The following NSD1 variants were observed in gnomAD, a reference collection of about 807,000 sequenced individuals.
NSD1 encodes histone-lysine N-methyltransferase, H3 lysine-36 specific.
NSD1 carries 26 observed loss-of-function variants against 242.7 expected under a neutral mutation model. The ratio of observed to expected loss-of-function variants is 0.11; its 90% confidence interval spans 0.08 to 0.15. The LOEUF is 0.15. Among genes scored for constraint, NSD1 ranks in the 10% least tolerant of loss-of-function variants. NSD1 has a pLI of 1.00. For missense variants in NSD1, 2,495 were observed against 3,272.8 expected, an observed-to-expected ratio of 0.76 and a Z score of 5.80; for synonymous variants, 1,106 against 1,178.1, an observed-to-expected ratio of 0.94 and a Z score of 1.25.
rs1003051671 is a variant in NSD1, at chr5:177,257,118, G to C, written c.4933G>C (p.Ala1645Pro). 6.2e-7 allele frequency: 1 copy of C among 1,613,828 alleles called. No homozygotes were observed. The highest frequency in any genetic ancestry group is 8.5e-7 in the Non-Finnish European group (1 of 1,179,994). ...CSLHICITCH[A>P]ANPANVSASK... ...CCTCCACATCTGTATAACCTGTCAT[G>C]CTGCTAATCCAGCCAATGTTTCTGC... Residue 1645 changes from alanine to proline, a missense_variant, in exon 13 of 23, where the codon GCT becomes CCT. Physicochemically the swap from Ala to Pro is conservative, Grantham distance 27. Coordinates refer to ENST00000439151, the MANE Select transcript of NSD1 (RefSeq NM_022455.5).
intron 21 of NSD1, 59 bp from the exon 22 acceptor site, chr5:177,291,895 G>T: frequency 1.3e-6 from 2 of 1,495,024 alleles, no homozygotes; most frequent in Non-Finnish European, 9.3e-7. Context: ...TAGTTAACCC[G>T]GTTAAGATTG....
intron 2 of NSD1, among the ~76,000 whole-genome samples, chr5:177,140,206 C>T (rs2149762523): frequency 6.6e-6 from 1 of 152,226 alleles, no homozygotes; most frequent in East Asian, 1.9e-4. Context: ...TTTAATTGGG[C>T]TGATATTTTC....
intron 5 of NSD1, among the ~76,000 whole-genome samples, chr5:177,219,110 G>C (rs555331860): frequency 2.6e-5 from 4 of 151,908 alleles, no homozygotes; most frequent in South Asian, 2.1e-4. Flanking sequence ...TTGTTGAGTT[G>C]AAAACTTTGT....
intron 5 of NSD1, among the ~76,000 whole-genome samples, chr5:177,213,676 TAGCC>T (rs1763540228): frequency 6.6e-6 from 1 of 152,116 alleles, no homozygotes; most frequent in Non-Finnish European, 1.5e-5. Context: ...TTCACTGTGT[TAGCC>T]AGGATGGTCT....
intron 16 of NSD1, among the ~76,000 whole-genome samples, chr5:177,270,605 A>G (rs1216366789): frequency 1.3e-5 from 2 of 152,246 alleles, no homozygotes; most frequent in Admixed American, 6.5e-5. Context: ...ATGCACTTCC[A>G]TTATGTTCCT....
Position 177,205,723 on chromosome 5 carries a change from T to C in NSD1, c.1236+1431T>C, listed in dbSNP as rs1171554009. ...TCACTGTCACCACCATTCTACTGTT[T>C]GTCTCTATGATTTAATATTCTCTTA... On this transcript the variant is annotated intron_variant, in intron 4 of 22. Coordinates refer to ENST00000439151, the MANE Select transcript of NSD1 (RefSeq NM_022455.5). Among the ~76,000 whole-genome samples, 2 of 152,016 alleles carry C rather than the reference T, an allele frequency of 1.3e-5. 1 individual carries two copies. The highest frequency in any genetic ancestry group is 2.9e-5 in the Non-Finnish European group (2 of 68,008).
At chr5:177,240,437 G>A (rs768734477) in intron 8 of NSD1, among the ~76,000 whole-genome samples, 3 of 152,094 alleles carry the variant, frequency 2.0e-5, no homozygotes, top group Non-Finnish European at 4.4e-5. Flanking sequence ...ATGGTGGCCG[G>A]GCGCAGTGGC....
At chr5:177,154,637 C>G (rs1757973762) in intron 2 of NSD1, among the ~76,000 whole-genome samples, 1 of 152,066 alleles carries the variant, frequency 6.6e-6, no homozygotes, top group South Asian at 2.1e-4. Flanking sequence ...TCCTTTTTCA[C>G]ATAATGGTGT....
At chr5:177,132,324 G>C (rs1755936146), upstream of NSD1, among the ~76,000 whole-genome samples, 1 of 151,470 alleles carries the variant, frequency 6.6e-6, no homozygotes, top group Non-Finnish European at 1.5e-5. The surrounding 1 kb of genome is among the most constrained non-coding windows in gnomAD (Gnocchi z 7.5). Context: ...TGGGTGCCGA[G>C]AACTGCAGCG....
At chr5:177,273,878 T>A in intron 17 of NSD1, 94 bp downstream of exon 17, 1 of 844,758 alleles carries the variant, frequency 1.2e-6, no homozygotes, top group Non-Finnish European at 2.0e-6. Flanking sequence ...AGCACAAGCA[T>A]AGTTCGTTTT....
chr5:177,273,548 T>C, intron 16 of NSD1, 124 bp from the exon 17 acceptor site: 1 of 749,380 alleles, frequency 1.3e-6, no homozygotes, highest in Non-Finnish European at 2.4e-6. Flanking sequence ...CATATAGCAT[T>C]GGTCGATTTT....
At chr5:177,258,541 GT>G (rs571615982) in intron 13 of NSD1, among the ~76,000 whole-genome samples, 16 of 143,800 alleles carry the variant, frequency 1.1e-4, no homozygotes, top group African/African-American at 1.8e-4. Flanking sequence ...GTTTGTTGTT[GT>G]TTTTTTTTTT....
chr5:177,150,450 G>A (rs530997247), intron 2 of NSD1, among the ~76,000 whole-genome samples: 1 of 151,794 alleles, frequency 6.6e-6, no homozygotes, highest in South Asian at 2.1e-4. Flanking sequence ...CTTTGAAAAC[G>A]TTGCTTCCAT....
chr5:177,257,184 T>A, intron 13 of NSD1, 33 bp downstream of exon 13: 1 of 1,550,558 alleles, frequency 6.4e-7, no homozygotes, highest in Non-Finnish European at 8.9e-7. Context: ...AGTCTAATTG[T>A]AAAACCTCAG....
chr5:177,174,872 T>C (rs1467629517), intron 2 of NSD1, among the ~76,000 whole-genome samples: 1 of 12,364 alleles, frequency 8.1e-5, no homozygotes, highest in Non-Finnish European at 1.2e-4. Flanking sequence ...CTTATCTGAC[T>C]TTTTTTTTTT....
chr5:177,280,618 A>G lies in NSD1; in HGVS notation c.5676A>G (p.Ile1892Met), dbSNP rs1277736597. 2 of 1,614,024 alleles carry G rather than the reference A, an allele frequency of 1.2e-6. No homozygotes were observed. Among genetic ancestry groups the G allele is most frequent in the Non-Finnish European group, 1.7e-6 (2 of 1,180,046 alleles). Residue 1892 changes from isoleucine (I) to methionine (M), a missense_variant, in exon 18 of 23, where the codon ATA becomes ATG. Ile to Met is a conservative substitution (Grantham distance 10, BLOSUM62 1). This residue lies in a region of NSD1 where 114 missense variants were observed against 247.4 expected (regional missense o/e 0.46). Coordinates refer to ENST00000439151, the MANE Select transcript of NSD1 (RefSeq NM_022455.5). ...VQIFTADLSE[I>M]PRCNCKATDE... Reference sequence around the variant, plus strand: ...TCTTCACTGCAGACTTATCTGAAATACCCCGTTGCAACTGTAAAGCTACTG... The same window carrying G: ...TCTTCACTGCAGACTTATCTGAAATGCCCCGTTGCAACTGTAAAGCTACTG...
At chr5:177,288,502 TG>T (rs949639876) in intron 20 of NSD1, 10 of 324,660 alleles carry the variant, frequency 3.1e-5, no homozygotes, top group Non-Finnish European at 4.7e-5. Flanking sequence ...AGTTGTTTTT[TG>T]TTTGTTTTGG....
In NSD1 at chr5:177,294,397, C is replaced by T; in HGVS notation, c.7029C>T (p.Pro2343=). Residue 2343 remains proline, a synonymous_variant, in exon 23 of 23, where the codon CCC becomes CCT. Coordinates refer to ENST00000439151, the MANE Select transcript of NSD1 (RefSeq NM_022455.5). ...PSPVTSPSSS[P]SVRSQPLERP... is the part of the protein sequence containing the mutation. ...CAGTGACCAGCCCAAGCTCCTCACC[C>T]TCAGTCAGGTCCCAACCACTGGAAA... 1 of 1,614,222 alleles carries T rather than the reference C, an allele frequency of 6.2e-7. No homozygotes were observed. Among genetic ancestry groups the T allele is most frequent in the Non-Finnish European group, 8.5e-7 (1 of 1,180,048 alleles).
intron 5 of NSD1, among the ~76,000 whole-genome samples, chr5:177,234,609 A>C (rs1326012039): frequency 6.6e-6 from 1 of 152,108 alleles, no homozygotes; most frequent in Non-Finnish European, 1.5e-5. Flanking sequence ...CCAGCTACTC[A>C]GGAGGCTGAG....
Sources: gnomAD v4.1 joint callset for allele counts (sites outside exome capture counted in the v4.1 genomes callset) on GRCh38, gnomAD v4.1.1 for gene constraint, gnomAD v4.1.1 regional missense constraint, Gnocchi (gnomAD v3.1) non-coding constraint, MANE v1.5 for transcripts, NCBI Gene and HGNC (gene_info 2026-07-23, HGNC 2026-07-21) for gene names.